The following KIF16B variants were observed in gnomAD, a reference collection of about 807,000 sequenced individuals.
The protein encoded by KIF16B is kinesin-like protein KIF16B.
In KIF16B, 98 loss-of-function variants were observed where a neutral mutation model predicts 156.3. The observed-to-expected ratio is 0.63, with a 90% CI of 0.53 to 0.74. The LOEUF is 0.74. KIF16B is among the 30% of genes least tolerant of loss of function. The probability of loss-of-function intolerance (pLI) is 0.00; values close to 1 mark genes in which losing one functional copy is unlikely to be tolerated. For missense variants in KIF16B, 1,421 were observed against 1,606.5 expected, an observed-to-expected ratio of 0.88 and a Z score of 1.97; for synonymous variants, 564 against 583.7, an observed-to-expected ratio of 0.97 and a Z score of 0.49.
rs2065045964 is a variant in KIF16B, at chr20:16,379,787, C to T, written c.2215G>A (p.Glu739Lys). Residue 739 changes from glutamate to lysine, a missense_variant, in exon 19 of 26, where the codon GAA (glutamate) becomes AAA (lysine). Coordinates refer to ENST00000354981, the MANE Select transcript of KIF16B (RefSeq NM_024704.5). ...TCCAGTTCAAGCTTGGCATACTGTT[C>T]ATCTTTTTCCTTTTGGAGCTGGTCC... is the stretch of plus-strand genomic sequence containing the variant. ...ELDQLQKEKD[E>K]QYAKLELEKK... 2 of 1,614,050 alleles carry T rather than the reference C, an allele frequency of 1.2e-6. No individual in the cohort carries two copies. Among genetic ancestry groups the T allele is most frequent in the Admixed American group, 1.7e-5 (1 of 60,000 alleles).
intron 17 of KIF16B, among the ~76,000 whole-genome samples, chr20:16,395,124 C>G (rs543555837): frequency 8.7e-4 from 126 of 145,132 alleles, no homozygotes; most frequent in Admixed American, 1.7e-3. Context: ...CTTACTCTCT[C>G]CCTAATGTGA....
intron 1 of KIF16B, among the ~76,000 whole-genome samples, chr20:16,546,515 T>C (rs1568670019): frequency 6.6e-6 from 1 of 152,220 alleles, no homozygotes. Flanking sequence ...GCTTACATTC[T>C]GGTGTGGAGA....
intron 12 of KIF16B, among the ~76,000 whole-genome samples, chr20:16,436,150 C>T (rs374101846): frequency 6.6e-6 from 1 of 151,994 alleles, no homozygotes; most frequent in Non-Finnish European, 1.5e-5. Context: ...TTTTTCATCT[C>T]GTATATGCTT....
At chr20:16,296,460 A>G (rs2063387396) in intron 25 of KIF16B, among the ~76,000 whole-genome samples, 1 of 152,232 alleles carries the variant, frequency 6.6e-6, no homozygotes, top group African/African-American at 2.4e-5. Flanking sequence ...CTGAACTCCA[A>G]ATAAACAGCA....
intron 25 of KIF16B, among the ~76,000 whole-genome samples, chr20:16,301,115 A>G (rs139681928): frequency 1.3e-5 from 2 of 152,304 alleles, no homozygotes; most frequent in African/African-American, 4.8e-5. Flanking sequence ...GTCTTCTTCT[A>G]CTTAGTAATA....
intron 25 of KIF16B, among the ~76,000 whole-genome samples, chr20:16,303,386 C>G (rs2063499282): frequency 6.6e-6 from 1 of 152,066 alleles, no homozygotes; most frequent in Admixed American, 6.5e-5. Context: ...TTTTACATAC[C>G]ATTCTCATTT....
chr20:16,422,231 C>T (rs1255500218), intron 15 of KIF16B, among the ~76,000 whole-genome samples: 1 of 152,000 alleles, frequency 6.6e-6, no homozygotes, highest in Non-Finnish European at 1.5e-5. Context: ...TTCCTTAAGG[C>T]GGTGGGGAAG....
At chr20:16,405,710 G>T (rs1600307106) in intron 16 of KIF16B, among the ~76,000 whole-genome samples, 1 of 152,108 alleles carries the variant, frequency 6.6e-6, no homozygotes, top group African/African-American at 2.4e-5. Context: ...TAGCATGGGG[G>T]TATTAACGGC....
intron 1 of KIF16B, among the ~76,000 whole-genome samples, chr20:16,536,384 C>T (rs1289891837): frequency 6.6e-6 from 1 of 151,930 alleles, no homozygotes; most frequent in African/African-American, 2.4e-5. Flanking sequence ...TTAATGGGTA[C>T]AAACATAAAG....
At chr20:16,539,029 G>A (rs1162718410) in intron 1 of KIF16B, among the ~76,000 whole-genome samples, 1 of 152,062 alleles carries the variant, frequency 6.6e-6, no homozygotes, top group East Asian at 1.9e-4. Context: ...TATGCTTCCT[G>A]TATAGCCATC....
At chr20:16,447,153 C>G (rs6043954) in intron 12 of KIF16B, among the ~76,000 whole-genome samples, 2 of 152,152 alleles carry the variant, frequency 1.3e-5, no homozygotes, top group Middle Eastern at 3.4e-3. Context: ...TTATCTGATT[C>G]ACCTTAGATG....
intron 10 of KIF16B, among the ~76,000 whole-genome samples, chr20:16,498,094 C>A (rs957956179): frequency 6.6e-6 from 1 of 152,092 alleles, no homozygotes; most frequent in East Asian, 1.9e-4. Flanking sequence ...GAAAATGAAA[C>A]GCATTTATTT....
At position 16,529,349 on chromosome 20, in the gene KIF16B, G is replaced by C. The variant is rs16997825; in HGVS notation, c.48-909C>G. ...GTTTCAAAAAACAAGCTATAATTTA[G>C]AAGTAAGTTGAAGCGAATGAATCTA... On this transcript the variant is annotated intron_variant, in intron 1 of 25. Coordinates refer to ENST00000354981, the MANE Select transcript of KIF16B (RefSeq NM_024704.5). 7.4e-4 allele frequency among the ~76,000 whole-genome samples: 113 copies of C among 152,260 alleles called. No homozygotes were observed. In the East Asian group the frequency reaches 0.017, roughly 22 times the overall value.
intron 25 of KIF16B, among the ~76,000 whole-genome samples, chr20:16,297,786 C>T (rs1205869237): frequency 2.0e-5 from 3 of 151,926 alleles, no homozygotes; most frequent in East Asian, 3.9e-4. Flanking sequence ...TTCAGTTGAA[C>T]GACAAGCCAT....
At chr20:16,332,723 G>A (rs548673905) in intron 24 of KIF16B, among the ~76,000 whole-genome samples, 1 of 152,168 alleles carries the variant, frequency 6.6e-6, no homozygotes, top group East Asian at 1.9e-4. Flanking sequence ...AGAAATTGAA[G>A]CAGAAATAAA....
intron 24 of KIF16B, among the ~76,000 whole-genome samples, chr20:16,333,162 A>G (rs1264959906): frequency 2.6e-5 from 4 of 152,096 alleles, no homozygotes; most frequent in Non-Finnish European, 5.9e-5. Context: ...GGAACAAACC[A>G]AACTTGGTTC....
intron 1 of KIF16B, among the ~76,000 whole-genome samples, chr20:16,570,199 T>C (rs2071405047): frequency 6.6e-6 from 1 of 152,212 alleles, no homozygotes; most frequent in South Asian, 2.1e-4. Flanking sequence ...TTATCAATGA[T>C]GATGCAAAAA....
intron 1 of KIF16B, among the ~76,000 whole-genome samples, chr20:16,562,380 T>C (rs2071094052): frequency 6.6e-6 from 1 of 152,186 alleles, no homozygotes; most frequent in Admixed American, 6.5e-5. Context: ...GAGCTGAAGC[T>C]GTCCTTGTTT....
At chr20:16,367,690 T>C (rs754494587) in intron 22 of KIF16B, 1 of 1,612,564 alleles carries the variant, frequency 6.2e-7, no homozygotes, top group Non-Finnish European at 8.5e-7. Flanking sequence ...CTGAACTCCA[T>C]TTGGCAAAAC....
Sources: gnomAD v4.1 joint callset for allele counts (sites outside exome capture counted in the v4.1 genomes callset) on GRCh38, gnomAD v4.1.1 for gene constraint, MANE v1.5 for transcripts, NCBI Gene and HGNC (gene_info 2026-07-23, HGNC 2026-07-21) for gene names.